PUS10: variants seen among roughly 807,000 people sequenced by gnomAD.
The protein encoded by PUS10 is pseudouridine synthase 10, also known as tRNA pseudouridine synthase Pus10.
A neutral mutation model predicts 75.0 loss-of-function variants in PUS10; 59 were observed. The ratio of observed to expected loss-of-function variants is 0.79; its 90% confidence interval spans 0.64 to 0.98. The LOEUF (loss-of-function observed/expected upper bound fraction) is 0.98, where lower values mean the gene tolerates loss of function less well. Among genes scored for constraint, PUS10 ranks in the 50% least tolerant of loss-of-function variants. The probability of loss-of-function intolerance (pLI) is 0.00; values close to 1 mark genes in which losing one functional copy is unlikely to be tolerated. For missense variants in PUS10, 650 were observed against 614.4 expected (o/e 1.06, Z -0.61); for synonymous variants, 219 against 211.6 (o/e 1.03, Z -0.30).
At chr2:60,945,539 T>C (rs1434337233) in intron 16 of PUS10, among the ~76,000 whole-genome samples, 1 of 152,198 alleles carries the variant, frequency 6.6e-6, no homozygotes, top group Non-Finnish European at 1.5e-5. Context: ...CAGAGAGTGA[T>C]CTCAATGATG....
At chr2:60,986,346 T>C (rs1677724272) in intron 4 of PUS10, among the ~76,000 whole-genome samples, 1 of 152,224 alleles carries the variant, frequency 6.6e-6, no homozygotes, top group African/African-American at 2.4e-5. Context: ...TTTAAAATTT[T>C]CTATATTTTA....
intron 4 of PUS10, among the ~76,000 whole-genome samples, chr2:60,979,636 C>T (rs1306444211): frequency 6.6e-6 from 1 of 152,060 alleles, no homozygotes; most frequent in African/African-American, 2.4e-5. Context: ...CTAGGTGTCT[C>T]CTCTGATAAA....
intron 4 of PUS10, among the ~76,000 whole-genome samples, chr2:60,975,387 C>T (rs773446201): frequency 4.2e-4 from 64 of 152,106 alleles, no homozygotes; most frequent in African/African-American, 1.5e-3. Flanking sequence ...CCTCGTGATC[C>T]GCCCGCCTTG....
Position 60,965,447 on chromosome 2 carries a change from T to C in PUS10, c.653A>G (p.Glu218Gly). ...FEVSVVFAHP[E>G]TVEDCHFLAA... is the part of the protein sequence containing the mutation. ...CAGGAAGTGGCAATCCTCAACTGTT[T>C]CTGGGTGAGCAAAGACCACACTCAC... The change falls in exon 7 of 18, where the codon GAA (glutamate) becomes GGA (glycine). Residue 218 changes from glutamate to glycine, a missense_variant. Coordinates refer to ENST00000316752, the MANE Select transcript of PUS10 (RefSeq NM_144709.4). 1.2e-6 allele frequency: 2 copies of C among 1,611,844 alleles called. No homozygotes were observed. Among genetic ancestry groups the C allele is most frequent in the Non-Finnish European group, 1.7e-6 (2 of 1,179,266 alleles).
intron 16 of PUS10, among the ~76,000 whole-genome samples, chr2:60,947,038 C>T (rs1441319169): frequency 6.6e-6 from 1 of 152,078 alleles, no homozygotes; most frequent in Non-Finnish European, 1.5e-5. Flanking sequence ...TTTTAATCAG[C>T]GACTCAGTTC....
intron 4 of PUS10, among the ~76,000 whole-genome samples, chr2:60,995,728 A>AT (rs369477719): frequency 2.0e-5 from 3 of 151,740 alleles, no homozygotes; most frequent in Non-Finnish European, 1.5e-5. Context: ...TTCATCTTGT[A>AT]TTTTTTTTTA....
At chr2:60,975,128 T>C (rs1676952081) in intron 4 of PUS10, among the ~76,000 whole-genome samples, 1 of 152,194 alleles carries the variant, frequency 6.6e-6, no homozygotes, top group South Asian at 2.1e-4. Flanking sequence ...TCAAAATGCA[T>C]GGGCATAGTA....
intron 15 of PUS10, among the ~76,000 whole-genome samples, chr2:60,949,565 T>C (rs1331899317): frequency 6.6e-6 from 1 of 152,136 alleles, no homozygotes; most frequent in Non-Finnish European, 1.5e-5. Flanking sequence ...CGCTTGTTTT[T>C]GTTTTTTTTT....
chr2:61,008,585 A>G (rs2104711294), intron 3 of PUS10, among the ~76,000 whole-genome samples, 176 bp downstream of exon 3: 1 of 152,324 alleles, frequency 6.6e-6, no homozygotes, highest in East Asian at 1.9e-4. Flanking sequence ...CTTGAGCCCC[A>G]GGAGTTGGAG....
chr2:60,946,242 G>A (rs1202046922), intron 16 of PUS10, among the ~76,000 whole-genome samples: 1 of 152,132 alleles, frequency 6.6e-6, no homozygotes, highest in East Asian at 1.9e-4. Context: ...TAACCAGAGG[G>A]ACAAGGTTTA....
At chr2:60,942,845 A>T (rs1184150451) in intron 17 of PUS10, among the ~76,000 whole-genome samples, 1 of 152,172 alleles carries the variant, frequency 6.6e-6, no homozygotes, top group Admixed American at 6.5e-5. Flanking sequence ...AGCCTGGCCA[A>T]CATGGCAAAA....
chr2:60,954,143 A>G lies in PUS10; in HGVS notation c.1073T>C (p.Ile358Thr), dbSNP rs551654092. ...TACTCTATGAGGATTCACCAGCTCA[A>G]TTGCAAAGGGCCTTCCTGGCAGCAC... ...RTLGNGRPFA[I>T]ELVNPHRVHF... The change falls in exon 13 of 18, where the codon ATT (isoleucine) becomes ACT (threonine). Residue 358 changes from isoleucine to threonine, a missense_variant. By Grantham distance (89) the Ile-to-Thr change is moderately conservative. Coordinates refer to ENST00000316752, the MANE Select transcript of PUS10 (RefSeq NM_144709.4). The G allele has an allele frequency of 4.3e-6, 7 of 1,614,172 alleles. No homozygotes were observed. In the Admixed American group the frequency reaches 5.0e-5, roughly 12 times the overall value.
intron 4 of PUS10, among the ~76,000 whole-genome samples, chr2:60,994,069 G>A (rs1678292595): frequency 6.6e-6 from 1 of 151,642 alleles, no homozygotes; most frequent in Non-Finnish European, 1.5e-5. Flanking sequence ...GATTACAGGC[G>A]TGAGCCACCG....
intron 4 of PUS10, among the ~76,000 whole-genome samples, chr2:60,980,804 A>C (rs1205705263): frequency 6.6e-6 from 1 of 152,248 alleles, no homozygotes; most frequent in Admixed American, 6.5e-5. Context: ...GATTTAAAGA[A>C]TTATAGAAGA....
intron 11 of PUS10, 31 bp downstream of exon 11, chr2:60,960,359 AAG>A (rs1315386477): frequency 1.4e-5 from 20 of 1,459,612 alleles, no homozygotes; most frequent in South Asian, 8.8e-5. Context: ...AAAAAAAAAA[AAG>A]AAAGAAAAGT....
rs1674569400 is a variant in PUS10, at chr2:60,940,331, AAG to A, written c.*2062_*2063del. The A allele has an allele frequency of 6.6e-6, 1 of 152,334 alleles. No individual in the cohort carries two copies. Among genetic ancestry groups the A allele is most frequent in the Admixed American group, 6.5e-5 (1 of 15,280 alleles). The allele number at this position is 152,334 out of a possible 1,614,324, so 9.4% of individuals were successfully genotyped here. ...TATTTGGGACTATATAAGAGATACT[AAG>A]AAGTACAAAGGGCTCTTTCTCTTAA... is the stretch of plus-strand genomic sequence containing the variant. On this transcript the variant is annotated 3_prime_UTR_variant, in exon 18 of 18. Coordinates refer to ENST00000316752, the MANE Select transcript of PUS10 (RefSeq NM_144709.4).
At chr2:60,984,539 T>G (rs1677601769) in intron 4 of PUS10, among the ~76,000 whole-genome samples, 1 of 152,182 alleles carries the variant, frequency 6.6e-6, no homozygotes, top group African/African-American at 2.4e-5. Flanking sequence ...TCCCATCAAT[T>G]CAGCAGTTCC....
chr2:60,977,901 G>T (rs1677135405), intron 4 of PUS10, among the ~76,000 whole-genome samples: 1 of 152,156 alleles, frequency 6.6e-6, no homozygotes, highest in Non-Finnish European at 1.5e-5. Context: ...TTGCAATTGA[G>T]AATGCAGAGA....
chr2:61,011,736 GAAAA>G, intron 2 of PUS10, 25 bp downstream of exon 2: 71 of 1,152,968 alleles, frequency 6.2e-5, no homozygotes, highest in Middle Eastern at 2.3e-4. Context: ...CTCTTAATTT[GAAAA>G]AAAAAAAAAA....
Sources: gnomAD v4.1 joint callset for allele counts (sites outside exome capture counted in the v4.1 genomes callset) on GRCh38, gnomAD v4.1.1 for gene constraint, MANE v1.5 for transcripts, NCBI Gene and HGNC (gene_info 2026-07-23, HGNC 2026-07-21) for gene names.